Variants in SNX14 observed in about 807,000 individuals in gnomAD.
The protein encoded by SNX14 is sorting nexin-14.
SNX14 carries 93 observed loss-of-function variants against 133.8 expected under a neutral mutation model. The ratio of observed to expected loss-of-function variants is 0.70; its 90% CI spans 0.59 to 0.83. The LOEUF (loss-of-function observed/expected upper bound fraction) is 0.83, where lower values mean the gene tolerates loss of function less well. Among genes scored for constraint, SNX14 ranks in the 40% least tolerant of loss-of-function variants. The pLI, the probability that SNX14 is intolerant of heterozygous loss-of-function variation, is 0.00. For missense variants in SNX14, 945 were observed against 1,094.9 expected (o/e 0.86, Z 1.93); for synonymous variants, 368 against 365.6 (o/e 1.01, Z -0.07).
chr6:85,552,811 GGA>G (rs1467611825), intron 7 of SNX14, among the ~76,000 whole-genome samples: 1 of 152,268 alleles, frequency 6.6e-6, no homozygotes, highest in East Asian at 1.9e-4. Flanking sequence ...TGAGGGGCCT[GGA>G]GAGAGTTACA....
At chr6:85,547,667 C>A in intron 9 of SNX14, 117 bp from the exon 10 acceptor site, 1 of 877,770 alleles carries the variant, frequency 1.1e-6, no homozygotes, top group Non-Finnish European at 1.6e-6. Flanking sequence ...ATAAATGGAG[C>A]AGTAGCAAAA....
intron 7 of SNX14, among the ~76,000 whole-genome samples, chr6:85,553,767 C>T (rs374769101): frequency 1.4e-4 from 20 of 139,434 alleles, no homozygotes; most frequent in Non-Finnish European, 2.7e-4. Context: ...GCCTCGGCGA[C>T]AGAGCAAGAC....
At position 85,587,562 on chromosome 6, in the gene SNX14, C is replaced by T. The variant is rs531156659; in HGVS notation, c.140+6017G>A. On this transcript the variant is annotated intron_variant, in intron 1 of 28. Coordinates refer to ENST00000314673, the MANE Select transcript of SNX14 (RefSeq NM_153816.6). ...CTTACTGCAGCCTCAACCTCTTAGG[C>T]ACAAGTAAGTGATCCTCCCACCTCA... Among the ~76,000 whole-genome samples, 12 of 152,144 alleles carry T rather than the reference C, an allele frequency of 7.9e-5. No homozygotes were observed. In the East Asian group the frequency reaches 2.3e-3, roughly 30 times the overall value.
chr6:85,579,665 T>G (rs531114021), intron 1 of SNX14, among the ~76,000 whole-genome samples: 1 of 152,184 alleles, frequency 6.6e-6, no homozygotes, highest in Non-Finnish European at 1.5e-5. Flanking sequence ...CAGGAAGAAC[T>G]TAGCCGATGC....
chr6:85,552,024 T>C (rs1365641586), intron 7 of SNX14, among the ~76,000 whole-genome samples: 3 of 151,092 alleles, frequency 2.0e-5, no homozygotes, highest in Non-Finnish European at 4.4e-5. Context: ...GGAGTCTGTG[T>C]TGGGAATCTT....
chr6:85,531,315 T>C (rs1780223816), intron 18 of SNX14, among the ~76,000 whole-genome samples: 1 of 152,210 alleles, frequency 6.6e-6, no homozygotes, highest in Admixed American at 6.5e-5. Flanking sequence ...TAATTGTGTC[T>C]ATCACATAAA....
chr6:85,515,405 G>A (rs573300836), intron 23 of SNX14, among the ~76,000 whole-genome samples: 2 of 151,088 alleles, frequency 1.3e-5, no homozygotes, highest in African/African-American at 4.9e-5. Context: ...GTTGGGGTGG[G>A]GGGGAACTAA....
intron 1 of SNX14, among the ~76,000 whole-genome samples, chr6:85,585,210 G>A (rs1019063483): frequency 6.6e-6 from 1 of 152,016 alleles, no homozygotes; most frequent in Non-Finnish European, 1.5e-5. Context: ...ACAGGGGAGG[G>A]GAATATCACA....
chr6:85,572,025 A>T, intron 4 of SNX14, 112 bp downstream of exon 4: 1 of 799,484 alleles, frequency 1.3e-6, no homozygotes, highest in Non-Finnish European at 2.0e-6. Flanking sequence ...GAACTGATTT[A>T]AGTGACATGT....
At chr6:85,519,645 C>A (rs913975828) in intron 21 of SNX14, among the ~76,000 whole-genome samples, 1 of 151,864 alleles carries the variant, frequency 6.6e-6, no homozygotes, top group Non-Finnish European at 1.5e-5. Flanking sequence ...CCGAGGCGGG[C>A]GGATCCCGAG....
intron 4 of SNX14, among the ~76,000 whole-genome samples, chr6:85,571,729 C>A (rs1381742683): frequency 6.6e-6 from 1 of 152,116 alleles, no homozygotes; most frequent in Admixed American, 6.5e-5. Context: ...TGCAGAAATA[C>A]TGAAAAATAT....
At chr6:85,536,543 G>A (rs1477515840) in intron 17 of SNX14, among the ~76,000 whole-genome samples, 2 of 152,044 alleles carry the variant, frequency 1.3e-5, no homozygotes, top group Non-Finnish European at 2.9e-5. Context: ...AGCTTAACAG[G>A]AACTATTCTG....
Position 85,517,867 on chromosome 6 carries a change from C to G in SNX14, c.2157G>C (p.Gln719His). 6.2e-7 allele frequency: 1 copy of G among 1,605,006 alleles called. No homozygotes were observed. Among genetic ancestry groups the G allele is most frequent in the Non-Finnish European group, 8.5e-7 (1 of 1,177,634 alleles). Residue 719 changes from glutamine (Q) to histidine (H), a missense_variant, in exon 23 of 29, where the codon CAG (glutamine) becomes CAC (histidine). This residue lies in a region of SNX14 where 412 missense variants were observed against 516.6 expected (regional missense o/e 0.80). Transcript: ENST00000314673. ...VPGKLMKEKG[Q>H]HLEPFIMNFI... ...AATTCATGATAAAAGGTTCCAAATG[C>G]TGACCTTTCTGTGGTGATAGATTAT...
chr6:85,543,240 T>C lies in SNX14; in HGVS notation c.1331A>G (p.Glu444Gly). The change falls in exon 14 of 29, where the codon GAA (glutamate) becomes GGA (glycine). Residue 444 changes from glutamate (E) to glycine (G), a missense_variant. Around this residue, in one of 3 missense-constraint regions of SNX14, gnomAD observed 514 missense variants for 538.8 expected, o/e 0.95. Transcript: ENST00000314673. ...QTMRCLFEAY[E>G]HVLSLLENVF... ...ATTCTCCAAAAGGGAAAGAACATGT[T>C]CATATGCTTCAAAAAGACATCTCAT... 3.1e-6 allele frequency: 5 copies of C among 1,604,166 alleles called. No homozygotes were observed. The highest frequency in any genetic ancestry group is 3.4e-6 in the Non-Finnish European group (4 of 1,176,172).
intron 21 of SNX14, among the ~76,000 whole-genome samples, chr6:85,524,655 G>C (rs775202569): frequency 2.4e-4 from 36 of 151,998 alleles, no homozygotes; most frequent in Non-Finnish European, 4.1e-4. Flanking sequence ...GTCATGGTGG[G>C]CACCTGTAAT....
chr6:85,591,846 A>C (rs1435015508), intron 1 of SNX14, among the ~76,000 whole-genome samples: 1 of 152,044 alleles, frequency 6.6e-6, no homozygotes, highest in East Asian at 1.9e-4. Context: ...CCCCGTCTCT[A>C]TTAAAAATGT....
chr6:85,582,300 C>A (rs963168246), intron 1 of SNX14, among the ~76,000 whole-genome samples: 10 of 152,064 alleles, frequency 6.6e-5, no homozygotes, highest in Admixed American at 1.3e-4. Context: ...AGGACTTTCC[C>A]AGGCAAACAA....
intron 18 of SNX14, among the ~76,000 whole-genome samples, chr6:85,530,567 C>T (rs1357258738): frequency 6.6e-6 from 1 of 151,748 alleles, no homozygotes; most frequent in Non-Finnish European, 1.5e-5. Context: ...ATCGCTTGAA[C>T]CCAAGAGGCA....
chr6:85,572,444 C>G, intron 2 of SNX14, 70 bp from the exon 3 acceptor site: 1 of 1,239,846 alleles, frequency 8.1e-7, no homozygotes, highest in East Asian at 2.3e-5. Flanking sequence ...AAAGAATCAA[C>G]TTTTCAGAAG....
Sources: allele counts gnomAD v4.1 joint callset (sites outside exome capture counted in the v4.1 genomes callset), GRCh38; gene constraint gnomAD v4.1.1; regional missense constraint gnomAD v4.1.1; transcripts MANE v1.5; gene names NCBI Gene and HGNC (gene_info 2026-07-23, HGNC 2026-07-21).